Variants in FASTK observed in about 807,000 individuals in gnomAD.
The protein encoded by FASTK is Fas activated serine/threonine kinase, also known as fas-activated serine/threonine kinase.
In FASTK, 28 loss-of-function variants were observed where a neutral mutation model predicts 60.0. The ratio of observed to expected loss-of-function variants is 0.47; its 90% CI spans 0.35 to 0.64. The LOEUF (loss-of-function observed/expected upper bound fraction) is 0.64, where lower values mean the gene tolerates loss of function less well. Ranked by LOEUF, FASTK falls within the 30% of genes least tolerant of loss-of-function variation. The pLI, the probability that FASTK is intolerant of heterozygous loss-of-function variation, is 0.01. For missense variants in FASTK, 595 were observed against 713.8 expected, an observed-to-expected ratio of 0.83 and a Z score of 1.90; for synonymous variants, 325 against 307.9, an observed-to-expected ratio of 1.06 and a Z score of -0.58.
chr7:151,078,493 C>G (rs975736841), intron 4 of FASTK, 69 bp downstream of exon 4: 17 of 1,552,400 alleles, frequency 1.1e-5, no homozygotes, highest in Non-Finnish European at 1.3e-5. Flanking sequence ...CCGAGCTGCA[C>G]GAGGCGCTGG....
intron 1 of FASTK, chr7:151,080,441 G>C: frequency 8.1e-7 from 1 of 1,235,572 alleles, no homozygotes; most frequent in South Asian, 2.9e-5. Flanking sequence ...ACTCACCAGC[G>C]GCGTGACCTT....
In FASTK at chr7:151,076,624, G is replaced by C; in HGVS notation, c.*101C>G. 1.2e-6 allele frequency: 1 copy of C among 854,306 alleles called. No individual in the cohort carries two copies. Among genetic ancestry groups the C allele is most frequent in the Non-Finnish European group, 1.8e-6 (1 of 561,962 alleles). 52.9% of individuals were successfully genotyped at this position (854,306 alleles called of 1,614,324 possible). A position where few individuals can be genotyped will look rare whatever the true frequency, so the allele number is the denominator to read the frequency against. On this transcript the variant is annotated 3_prime_UTR_variant, in exon 10 of 10. Coordinates refer to ENST00000297532, the MANE Select transcript of FASTK (RefSeq NM_006712.5). The stretch of plus-strand genomic sequence containing the variant: ...CGTCCCAAAACTGAGATTCACAACG[G>C]GGAAGGAAAGGAACTTTAATGAGAA...
At chr7:151,078,249 G>A (rs1040156201) in intron 4 of FASTK, among the ~76,000 whole-genome samples, 157 bp from the exon 5 acceptor site, 1 of 152,210 alleles carries the variant, frequency 6.6e-6, no homozygotes, top group Non-Finnish European at 1.5e-5. Flanking sequence ...AAGCAGTCAC[G>A]AGCTGCACGT....
At position 151,077,005 on chromosome 7, in the gene FASTK, G is replaced by T; in HGVS notation, c.1450C>A (p.Arg484Ser). 1 of 1,612,560 alleles carries T rather than the reference G, an allele frequency of 6.2e-7. No individual in the cohort carries two copies. Among genetic ancestry groups the T allele is most frequent in the Non-Finnish European group, 8.5e-7 (1 of 1,179,826 alleles). ...AQRVVLVLRERWHFCRDGRVL... is the reference protein window; with the variant it reads ...AQRVVLVLRESWHFCRDGRVL... ...CGGCCGTCCCGGCAGAAATGCCAGC[G>T]TTCCCGCAACACCAGCACCACCCTG... Residue 484 changes from arginine (R) to serine (S), a missense_variant, in exon 9 of 10, where the codon CGC (arginine) becomes AGC (serine). By Grantham distance (110) the Arg-to-Ser change is moderately radical (BLOSUM62 -1). Coordinates refer to ENST00000297532, the MANE Select transcript of FASTK (RefSeq NM_006712.5).
rs1214569809 is a variant in FASTK at position 151,080,742 on chromosome 7, C to A, written c.25G>T (p.Gly9Cys). Residue 9 changes from glycine to cysteine, a missense_variant, in exon 1 of 10, where the codon GGC (glycine) becomes TGC (cysteine). Gly to Cys is a radical substitution (Grantham distance 159). This residue lies in a region of FASTK where 124 missense variants were observed against 107.9 expected (regional missense o/e 1.15). Transcript: ENST00000297532. ...TCAGTCGGTCTCGGGGCCCGGGGGC[C>A]GGGTTCCCCCCGCGGCCTCCTCATC... MRRPRGEPGPRAPRPTEGA... is the reference protein window; with the variant it reads MRRPRGEPCPRAPRPTEGA... 1 of 1,312,776 alleles carries A rather than the reference C, an allele frequency of 7.6e-7. No homozygotes were observed. The highest frequency in any genetic ancestry group is 9.7e-7 in the Non-Finnish European group (1 of 1,031,330). The allele number at this position is 1,312,776 out of a possible 1,614,324, so 81.3% of individuals were successfully genotyped here.
intron 1 of FASTK, chr7:151,080,409 G>A: frequency 8.8e-7 from 1 of 1,130,976 alleles, no homozygotes; most frequent in Non-Finnish European, 1.1e-6. Context: ...GGACGGTGCT[G>A]GGTTCCATGC....
chr7:151,078,197 G>C, intron 4 of FASTK, 105 bp from the exon 5 acceptor site: 2 of 840,740 alleles, frequency 2.4e-6, no homozygotes, highest in Non-Finnish European at 3.8e-6. Context: ...CAACACTGCT[G>C]TAAAGACAGG....
chr7:151,079,884 A>G lies in FASTK; in HGVS notation c.121T>C (p.Ser41Pro), dbSNP rs1383985162. 1 of 1,599,400 alleles carries G rather than the reference A, an allele frequency of 6.3e-7. No homozygotes were observed. Among genetic ancestry groups the G allele is most frequent in the African/African-American group, 1.3e-5 (1 of 74,708 alleles). ...SPNSMLRVLLSAQTSPARLSG... is the reference protein window; with the variant it reads ...SPNSMLRVLLPAQTSPARLSG... ...AGCCGAGCAGGGGAGGTCTGAGCAGAGAGCAGGACTCGAAGCATGGAGTTG... is the reference window on the plus strand; with the variant it reads ...AGCCGAGCAGGGGAGGTCTGAGCAGGGAGCAGGACTCGAAGCATGGAGTTG... Residue 41 changes from serine (S) to proline (P), a missense_variant, in exon 2 of 10, where the codon TCT (serine) becomes CCT (proline). Ser to Pro is a moderately conservative substitution (Grantham distance 74). Coordinates refer to ENST00000297532, the MANE Select transcript of FASTK (RefSeq NM_006712.5).
At chr7:151,080,566 G>A in intron 1 of FASTK, 119 bp downstream of exon 1, 4 of 1,318,306 alleles carry the variant, frequency 3.0e-6, no homozygotes, top group East Asian at 3.1e-5. Flanking sequence ...CGCGGAGTCG[G>A]CGAAGTCGGG....
chr7:151,076,697 G>T lies in FASTK; in HGVS notation c.*28C>A. The stretch of plus-strand genomic sequence containing the variant: ...TGCAAATCATCCACCCCCCATGGGG[G>T]GGCCATCCTGAACCCCACATCAACC... On this transcript the variant is annotated 3_prime_UTR_variant, in exon 10 of 10. Coordinates refer to ENST00000297532, the MANE Select transcript of FASTK (RefSeq NM_006712.5). 1 of 1,429,938 alleles carries T rather than the reference G, an allele frequency of 7.0e-7. No individual in the cohort carries two copies. The highest frequency in any genetic ancestry group is 2.5e-4 in the Middle Eastern group (1 of 3,982). The allele number at this position is 1,429,938 out of a possible 1,614,324, so 88.6% of individuals were successfully genotyped here. A position where few individuals can be genotyped will look rare whatever the true frequency, so the allele number is the denominator to read the frequency against.
rs1330839331 is a variant in FASTK at position 151,077,349 on chromosome 7, A to G, written c.1252T>C (p.Tyr418His). 1.2e-6 allele frequency: 2 copies of G among 1,612,846 alleles called. No homozygotes were observed. The highest frequency in any genetic ancestry group is 2.7e-5 in the African/African-American group (2 of 74,890). The change falls in exon 7 of 10, where the codon TAC becomes CAC. Residue 418 changes from tyrosine (Y) to histidine (H), a missense_variant. Physicochemically the swap from Tyr to His is moderately conservative, Grantham distance 83. Transcript: ENST00000297532. ...GLRQLLGEEK[Y>H]RQDLTVPPGY... ...GGAGGCACAGTCAGGTCCTGGCGGTATTTCTCCTCCCCCAGCAGCTGGCGC... is the reference window on the plus strand; with the variant it reads ...GGAGGCACAGTCAGGTCCTGGCGGTGTTTCTCCTCCCCCAGCAGCTGGCGC...
In FASTK at chr7:151,078,915, T is replaced by C. The variant is rs777740387; in HGVS notation, c.612A>G (p.Gln204=). The C allele has an allele frequency of 1.5e-5, 24 of 1,581,692 alleles. No homozygotes were observed. The South Asian group carries it at 2.8e-4, about 18-fold the overall frequency. The change falls in exon 3 of 10, where the codon CAA becomes CAG. Residue 204 remains glutamine (Q), a synonymous_variant. Transcript: ENST00000297532. ...GGCAGCTTAGAGCAGCTTCCAACCC[T>C]TGCCCACCTCGGAGAAGGGGCTGCA... The part of the protein sequence containing the change: ...PPLQPLLRGG[Q]GLEAALSCPR...
chr7:151,079,117 C>G, intron 2 of FASTK, 96 bp from the exon 3 acceptor site: 1 of 1,160,364 alleles, frequency 8.6e-7, no homozygotes. Flanking sequence ...TCTCCTCTCC[C>G]GTTTCCTGAG....
chr7:151,078,818 T>C (rs1797815686), intron 3 of FASTK, 24 bp downstream of exon 3: 1 of 1,605,428 alleles, frequency 6.2e-7, no homozygotes, highest in African/African-American at 1.3e-5. Context: ...CCCACCCCCA[T>C]CTGATTTTAA....
chr7:151,077,196 G>A lies in FASTK; in HGVS notation c.1332C>T (p.Pro444=), dbSNP rs149426387. ...GCAGGAAGGGGTCCTGGGTCCTCAC[G>A]GGAAGCACAGCACCAGAGCTGCTGG... ...LCASSSGAVL[P]VRTQDPFLPY... is the part of the protein sequence containing the mutation. The change falls in exon 8 of 10, where the codon CCC becomes CCT. Residue 444 remains proline, a synonymous_variant. Transcript: ENST00000297532. 8.4e-5 allele frequency: 135 copies of A among 1,612,996 alleles called. No individual in the cohort carries two copies. The highest frequency in any genetic ancestry group is 8.3e-4 in the Middle Eastern group (5 of 6,058).
rs1269043624 is a variant in FASTK at position 151,079,724 on chromosome 7, C to A, written c.281G>T (p.Ser94Ile). ...GLQRLLEQAK[S>I]PGELLRWLGQ... Reference sequence around the variant, plus strand: ...CAGCCAGCGCAGCAGCTCCCCAGGGCTCTTCGCCTGTTCCAGAAGCCGCTG... The same window carrying A: ...CAGCCAGCGCAGCAGCTCCCCAGGGATCTTCGCCTGTTCCAGAAGCCGCTG... The change falls in exon 2 of 10, where the codon AGC becomes ATC. Residue 94 changes from serine to isoleucine, a missense_variant. Around this residue, in one of 2 missense-constraint regions of FASTK, gnomAD observed 471 missense variants for 605.9 expected, o/e 0.78. Coordinates refer to ENST00000297532, the MANE Select transcript of FASTK (RefSeq NM_006712.5). 3 of 1,600,960 alleles carry A rather than the reference C, an allele frequency of 1.9e-6. No homozygotes were observed. The highest frequency in any genetic ancestry group is 1.7e-6 in the Non-Finnish European group (2 of 1,174,312).
chr7:151,077,709 C>G lies in FASTK; in HGVS notation c.1111G>C (p.Gly371Arg), dbSNP rs1380901041. 8 of 1,591,802 alleles carry G rather than the reference C, an allele frequency of 5.0e-6. No homozygotes were observed. Among genetic ancestry groups the G allele is most frequent in the Non-Finnish European group, 6.8e-6 (8 of 1,169,772 alleles). ...LDTAVELELP[G>R]YRGPRLPRRQ... ...CGGGGAAGGCGGGGACCCCGGTATC[C>G]TGGGAGCTCCAGCTCCACGGCCGTG... Residue 371 changes from glycine to arginine, a missense_variant, in exon 6 of 10, where the codon GGA (glycine) becomes CGA (arginine). Coordinates refer to ENST00000297532, the MANE Select transcript of FASTK (RefSeq NM_006712.5).
At chr7:151,078,791 T>G in intron 3 of FASTK, 51 bp downstream of exon 3, 1 of 1,608,624 alleles carries the variant, frequency 6.2e-7, no homozygotes, top group African/African-American at 1.3e-5. Flanking sequence ...CCCACCTTCC[T>G]CCTCCTGTCA....
intron 4 of FASTK, 108 bp downstream of exon 4, chr7:151,078,454 A>G: frequency 1.6e-6 from 2 of 1,244,702 alleles, no homozygotes; most frequent in East Asian, 4.7e-5. Flanking sequence ...GGGGACAGAG[A>G]GGGTGTGTCT....
Sources: allele counts gnomAD v4.1 joint callset (sites outside exome capture counted in the v4.1 genomes callset), GRCh38; gene constraint gnomAD v4.1.1; regional missense constraint gnomAD v4.1.1; transcripts MANE v1.5; gene names NCBI Gene and HGNC (gene_info 2026-07-23, HGNC 2026-07-21).